The following REEP5 variants were observed in gnomAD, a reference collection of about 807,000 sequenced individuals.
The protein encoded by REEP5 is receptor expression-enhancing protein 5.
A neutral mutation model predicts 22.4 loss-of-function variants in REEP5; 24 were observed. The observed-to-expected ratio is 1.07, with a 90% confidence interval of 0.78 to 1.51. The LOEUF (loss-of-function observed/expected upper bound fraction) is 1.51, where lower values mean the gene tolerates loss of function less well. Among genes scored for constraint, REEP5 ranks in the 40% most tolerant of loss-of-function variants. REEP5 has a pLI of 0.00. For synonymous variants in REEP5, 103 were observed against 88.6 expected (o/e 1.16, Z -0.92); for missense variants, 252 against 233.0 (o/e 1.08, Z -0.53).
At position 112,878,660 on chromosome 5, in the gene REEP5, A is replaced by ATCTT. The variant is rs1173519952; in HGVS notation, c.*122_*125dup. The stretch of plus-strand genomic sequence containing the variant: ...GCAAAGAAACTTACAACACATTCCA[A>ATCTT]TCTTTAATATCTCAAAAATGTTTCC... On this transcript the variant is annotated 3_prime_UTR_variant, in exon 5 of 5. Transcript: ENST00000379638. 2 of 1,352,124 alleles carry ATCTT rather than the reference A, an allele frequency of 1.5e-6. No homozygotes were observed. Among genetic ancestry groups the ATCTT allele is most frequent in the African/African-American group, 1.5e-5 (1 of 67,830 alleles). The allele number at this position is 1,352,124 out of a possible 1,614,324, so 83.8% of individuals were successfully genotyped here. A position where few individuals can be genotyped will look rare whatever the true frequency, so the allele number is the denominator to read the frequency against.
chr5:112,921,420 G>A lies in REEP5; in HGVS notation c.119-164C>T, dbSNP rs998770223. ...ACACGAAAGCTGGGCCTGCGCGTCC[G>A]CTGGGCTATGCCTTGAAGTCTGGGG... On this transcript the variant is annotated intron_variant, in intron 1 of 4. Coordinates refer to ENST00000379638, the MANE Select transcript of REEP5 (RefSeq NM_005669.5). 91 of 676,108 alleles carry A rather than the reference G, an allele frequency of 1.3e-4. No individual in the cohort carries two copies. The African/African-American group carries it at 1.6e-3, about 12-fold the overall frequency. 41.9% of individuals were successfully genotyped at this position (676,108 alleles called of 1,614,324 possible).
chr5:112,888,375 G>T (rs1739308231), intron 3 of REEP5, among the ~76,000 whole-genome samples: 1 of 152,180 alleles, frequency 6.6e-6, no homozygotes, highest in Admixed American at 6.5e-5. Context: ...ACTAGACTTT[G>T]AACTTGTATA....
rs757401821 is a variant in REEP5 at position 112,878,809 on chromosome 5, C to A, written c.547G>T (p.Gly183Cys). The A allele has an allele frequency of 1.9e-6, 3 of 1,614,080 alleles. No individual in the cohort carries two copies. The highest frequency in any genetic ancestry group is 2.5e-6 in the Non-Finnish European group (3 of 1,180,012). Reference protein sequence around the residue: ...EAKKATVNLLGEEKKST With the variant: ...EAKKATVNLLCEEKKST ...GTTTAGGTGCTCTTCTTTTCTTCACCCAGTAAATTCACGGTAGCTTTCTTC... is the reference window on the plus strand; with the variant it reads ...GTTTAGGTGCTCTTCTTTTCTTCACACAGTAAATTCACGGTAGCTTTCTTC... Residue 183 changes from glycine to cysteine, a missense_variant, in exon 5 of 5, where the codon GGT becomes TGT. Coordinates refer to ENST00000379638, the MANE Select transcript of REEP5 (RefSeq NM_005669.5).
intron 2 of REEP5, among the ~76,000 whole-genome samples, chr5:112,917,861 GGAGT>G (rs1406760886): frequency 2.0e-5 from 3 of 152,176 alleles, no homozygotes; most frequent in Non-Finnish European, 4.4e-5. Flanking sequence ...GGAGGAATAG[GGAGT>G]GATTGGTGAT....
chr5:112,902,526 GCAGTAC>G lies in REEP5; in HGVS notation c.213-14_213-9del. 1.9e-6 allele frequency: 3 copies of G among 1,571,836 alleles called. No individual in the cohort carries two copies. Among genetic ancestry groups the G allele is most frequent in the Non-Finnish European group, 2.6e-6 (3 of 1,164,620 alleles). On this transcript the variant is annotated splice_polypyrimidine_tract_variant and intron_variant, in intron 2 of 4. Coordinates refer to ENST00000379638, the MANE Select transcript of REEP5 (RefSeq NM_005669.5). Reference sequence around the variant, plus strand: ...CTCTCTATAGCTTTAATTCTGAAAGGCAGTACAAAAGAAAGTATATCATTTGGTAAG... The same window carrying G: ...CTCTCTATAGCTTTAATTCTGAAAGGAAAAGAAAGTATATCATTTGGTAAG...
intron 3 of REEP5, among the ~76,000 whole-genome samples, chr5:112,899,677 T>C (rs1453693823): frequency 6.6e-6 from 1 of 152,214 alleles, no homozygotes; most frequent in Non-Finnish European, 1.5e-5. Flanking sequence ...ACAGTGACTA[T>C]TTCCTTAGAA....
intron 3 of REEP5, among the ~76,000 whole-genome samples, chr5:112,889,782 G>A (rs1768375832): frequency 6.7e-6 from 1 of 149,180 alleles, no homozygotes; most frequent in African/African-American, 2.5e-5. Flanking sequence ...AGAGTTTTGA[G>A]ACTAGCCTGT....
chr5:112,904,705 A>C (rs1053094543), intron 2 of REEP5, among the ~76,000 whole-genome samples: 1 of 152,194 alleles, frequency 6.6e-6, no homozygotes, highest in African/African-American at 2.4e-5. Flanking sequence ...TATAAACTTA[A>C]ATAGATATTT....
chr5:112,879,478 CTTAT>C (rs959262000), intron 4 of REEP5, among the ~76,000 whole-genome samples: 3 of 152,032 alleles, frequency 2.0e-5, no homozygotes, highest in Non-Finnish European at 4.4e-5. Context: ...TATTTATTTA[CTTAT>C]TTATTTTTTG....
intron 4 of REEP5, chr5:112,885,491 C>T (rs1050037860): frequency 5.0e-6 from 1 of 199,802 alleles, no homozygotes; most frequent in African/African-American, 2.4e-5. Flanking sequence ...TGCTTGACAT[C>T]CCTAACTAGG....
At chr5:112,901,481 G>T (rs1768841867) in intron 3 of REEP5, among the ~76,000 whole-genome samples, 1 of 152,066 alleles carries the variant, frequency 6.6e-6, no homozygotes, top group Non-Finnish European at 1.5e-5. Context: ...GGCCGAGGTG[G>T]GTGGATTGCT....
At chr5:112,882,496 T>C (rs1208948301) in intron 4 of REEP5, among the ~76,000 whole-genome samples, 2 of 152,222 alleles carry the variant, frequency 1.3e-5, no homozygotes, top group African/African-American at 4.8e-5. Flanking sequence ...CCACCTACTC[T>C]GTAGCTATAC....
intron 2 of REEP5, among the ~76,000 whole-genome samples, chr5:112,913,469 T>G (rs1769161593): frequency 7.3e-6 from 1 of 136,422 alleles, no homozygotes; most frequent in Admixed American, 8.3e-5. Context: ...GCCTGGGAGG[T>G]CAAGGCTGCA....
intron 2 of REEP5, among the ~76,000 whole-genome samples, chr5:112,916,904 A>G (rs1332817260): frequency 2.0e-5 from 3 of 152,244 alleles, no homozygotes; most frequent in African/African-American, 7.2e-5. Context: ...TAAATGAGCT[A>G]TATTTGCAAA....
chr5:112,892,749 G>T, intron 3 of REEP5: 1 of 1,614,092 alleles, frequency 6.2e-7, no homozygotes, highest in South Asian at 1.1e-5. Flanking sequence ...AGAGGAGGGA[G>T]AAGATGGGCC....
intron 2 of REEP5, among the ~76,000 whole-genome samples, chr5:112,907,009 T>C (rs1255115187): frequency 6.6e-6 from 1 of 152,180 alleles, no homozygotes; most frequent in Non-Finnish European, 1.5e-5. Context: ...TCAACTCTAA[T>C]ATGATCTAGA....
intron 3 of REEP5, chr5:112,892,617 A>G (rs1768514483): frequency 1.9e-6 from 3 of 1,614,162 alleles, no homozygotes; most frequent in Admixed American, 1.7e-5. Context: ...AACAATGTCC[A>G]AGAGGAAAAC....
chr5:112,921,314 AGCC>A, intron 1 of REEP5, 58 bp from the exon 2 acceptor site: 2 of 1,536,346 alleles, frequency 1.3e-6, no homozygotes, highest in Non-Finnish European at 1.8e-6. Context: ...CACGCGGGAC[AGCC>A]GCCGCCCACA....
At chr5:112,910,539 C>T (rs1769077282) in intron 2 of REEP5, among the ~76,000 whole-genome samples, 1 of 152,202 alleles carries the variant, frequency 6.6e-6, no homozygotes, top group Admixed American at 6.5e-5. Context: ...TATTTTATTA[C>T]CATCATGCCA....
Sources: allele counts gnomAD v4.1 joint callset (sites outside exome capture counted in the v4.1 genomes callset), GRCh38; gene constraint gnomAD v4.1.1; transcripts MANE v1.5; gene names NCBI Gene and HGNC (gene_info 2026-07-23, HGNC 2026-07-21).